LDB2: variants seen among roughly 807,000 people sequenced by gnomAD.
The protein encoded by LDB2 is LIM domain binding 2, also known as LIM domain-binding protein 2.
In LDB2, 12 loss-of-function variants were observed where a neutral mutation model predicts 44.3. The ratio of observed to expected loss-of-function variants is 0.27; its 90% CI spans 0.17 to 0.44. The LOEUF (loss-of-function observed/expected upper bound fraction) is 0.44. Ranked by LOEUF, LDB2 falls within the 20% of genes least tolerant of loss-of-function variation. The pLI is 1.00. For missense variants in LDB2, 344 were observed against 473.5 expected, an observed-to-expected ratio of 0.73 and a Z score of 2.54; for synonymous variants, 164 against 174.8, an observed-to-expected ratio of 0.94 and a Z score of 0.49.
chr4:16,697,292 C>CACACACAT (rs1365985056), intron 2 of LDB2, among the ~76,000 whole-genome samples: 4 of 151,298 alleles, frequency 2.6e-5, no homozygotes, highest in African/African-American at 9.7e-5. Flanking sequence ...CACACACACA[C>CACACACAT]ACACACACAC....
rs1427600875 is a variant in LDB2 at position 16,508,538 on chromosome 4, T to C, written c.888A>G (p.Val296=). ...CTAAGAGGAAAGCGAGACTTACAGG[T>C]ACCTGACTGGACAGACTCAGGTTTG... ...TAANLSLSSQ[V]PDVMVVGEPT... is the part of the protein sequence containing the mutation. The change falls in exon 7 of 8, where the codon GTA becomes GTG. Residue 296 remains valine (V), a synonymous_variant. Coordinates refer to ENST00000304523, the MANE Select transcript of LDB2 (RefSeq NM_001290.5). 1 of 1,577,102 alleles carries C rather than the reference T, an allele frequency of 6.3e-7. No individual in the cohort carries two copies. Among genetic ancestry groups the C allele is most frequent in the Admixed American group, 1.8e-5 (1 of 57,004 alleles).
chr4:16,564,041 C>T (rs1743567711), intron 5 of LDB2, among the ~76,000 whole-genome samples: 1 of 152,194 alleles, frequency 6.6e-6, no homozygotes, highest in East Asian at 1.9e-4. Context: ...GTCCCAGGCT[C>T]TCTTCCCCTC....
chr4:16,861,810 T>C (rs1489110355), intron 1 of LDB2, among the ~76,000 whole-genome samples: 1 of 152,160 alleles, frequency 6.6e-6, no homozygotes, highest in Non-Finnish European at 1.5e-5. Flanking sequence ...CACATGCTGT[T>C]CCCCCTGCCT....
At chr4:16,518,060 A>G (rs1724529458) in intron 5 of LDB2, among the ~76,000 whole-genome samples, 2 of 152,324 alleles carry the variant, frequency 1.3e-5, no homozygotes, top group South Asian at 4.1e-4. Flanking sequence ...TGCATGCAAA[A>G]TGCTTTGCAC....
intron 5 of LDB2, among the ~76,000 whole-genome samples, chr4:16,576,223 A>G (rs572747255): frequency 4.2e-4 from 64 of 152,330 alleles, no homozygotes; most frequent in African/African-American, 1.5e-3. Flanking sequence ...TTTCTAGAAG[A>G]AATAACAAAG....
At chr4:16,863,833 T>G (rs1322905538) in intron 1 of LDB2, among the ~76,000 whole-genome samples, 1 of 152,138 alleles carries the variant, frequency 6.6e-6, no homozygotes, top group Non-Finnish European at 1.5e-5. Flanking sequence ...GCTAATTTTT[T>G]GTATTTTTAG....
rs183566758 is a variant in LDB2, at chr4:16,507,773, G to T, written c.891+762C>A. Among the ~76,000 whole-genome samples the T allele has an allele frequency of 4.5e-4, 69 of 152,234 alleles. 1 individual carries two copies. The highest frequency in any genetic ancestry group is 1.6e-3 in the African/African-American group (68 of 41,548). On this transcript the variant is annotated intron_variant, in intron 7 of 7. Coordinates refer to ENST00000304523, the MANE Select transcript of LDB2 (RefSeq NM_001290.5). ...ACTTAAAGGAGATAGTCTAATAAGGGGCTGGGGAGTTAGGAGATGGGAGGG... is the reference window on the plus strand; with the variant it reads ...ACTTAAAGGAGATAGTCTAATAAGGTGCTGGGGAGTTAGGAGATGGGAGGG...
At chr4:16,536,633 G>T (rs1374758381) in intron 5 of LDB2, among the ~76,000 whole-genome samples, 1 of 152,190 alleles carries the variant, frequency 6.6e-6, no homozygotes, top group African/African-American at 2.4e-5. Flanking sequence ...TCAACAGGAA[G>T]TCATCCCAGG....
intron 5 of LDB2, among the ~76,000 whole-genome samples, chr4:16,559,596 G>A (rs1428735635): frequency 3.9e-5 from 6 of 152,060 alleles, no homozygotes; most frequent in East Asian, 3.9e-4. Flanking sequence ...AAGAGACTTC[G>A]ACTCCCACAC....
chr4:16,665,738 G>A (rs766352473), intron 2 of LDB2, among the ~76,000 whole-genome samples: 6 of 152,124 alleles, frequency 3.9e-5, no homozygotes, highest in African/African-American at 1.2e-4. Context: ...CATTTGGAAC[G>A]TGTAAATGTG....
intron 2 of LDB2, among the ~76,000 whole-genome samples, chr4:16,666,948 G>T (rs1054660460): frequency 6.6e-6 from 1 of 152,030 alleles, no homozygotes; most frequent in East Asian, 1.9e-4. Flanking sequence ...TGAACAGGGT[G>T]GGGGAATGGA....
At chr4:16,794,505 A>G (rs530229520) in intron 1 of LDB2, among the ~76,000 whole-genome samples, 1 of 152,292 alleles carries the variant, frequency 6.6e-6, no homozygotes, top group Admixed American at 6.5e-5. Flanking sequence ...TCCAGAGTGG[A>G]TGACCTAGGC....
At chr4:16,788,215 C>A (rs1426487284) in intron 1 of LDB2, among the ~76,000 whole-genome samples, 1 of 152,220 alleles carries the variant, frequency 6.6e-6, no homozygotes, top group Non-Finnish European at 1.5e-5. Context: ...AGCTAAGAAG[C>A]TCCAGACCAT....
At chr4:16,888,575 C>T (rs905490619) in intron 1 of LDB2, 1 of 308,480 alleles carries the variant, frequency 3.2e-6, no homozygotes, top group African/African-American at 2.3e-5. Flanking sequence ...CATGTTATTG[C>T]AAGTTTTGTT....
chr4:16,529,064 C>A (rs1729223142), intron 5 of LDB2, among the ~76,000 whole-genome samples: 1 of 151,786 alleles, frequency 6.6e-6, no homozygotes, highest in East Asian at 2.1e-4. Flanking sequence ...CTAATCATTA[C>A]CAGTACTTGG....
intron 2 of LDB2, among the ~76,000 whole-genome samples, chr4:16,615,143 T>C (rs1726912774): frequency 6.6e-6 from 1 of 152,010 alleles, no homozygotes; most frequent in Non-Finnish European, 1.5e-5. Context: ...GGAACGATTT[T>C]ACACTGTTAG....
At chr4:16,544,788 C>G (rs1354111796) in intron 5 of LDB2, among the ~76,000 whole-genome samples, 1 of 152,108 alleles carries the variant, frequency 6.6e-6, no homozygotes. Context: ...CAAGTGAAAA[C>G]ATTGAAGAGG....
intron 1 of LDB2, among the ~76,000 whole-genome samples, chr4:16,812,631 A>ATGTG (rs5856389): frequency 0.1 from 12,838 of 125,880 alleles, 730 homozygotes; most frequent in South Asian, 0.18. Context: ...TATTAAATAT[A>ATGTG]TGTGTGTGTG....
chr4:16,704,569 G>T (rs1307263096), intron 2 of LDB2, among the ~76,000 whole-genome samples: 1 of 152,154 alleles, frequency 6.6e-6, no homozygotes, highest in Non-Finnish European at 1.5e-5. Context: ...CCCATAGCTT[G>T]TATGGTTTGT....
Sources: allele counts gnomAD v4.1 joint callset (sites outside exome capture counted in the v4.1 genomes callset), GRCh38; gene constraint gnomAD v4.1.1; transcripts MANE v1.5; gene names NCBI Gene and HGNC (gene_info 2026-07-23, HGNC 2026-07-21).